The following EEF1E1 variants were observed in gnomAD, a reference collection of about 807,000 sequenced individuals.
The protein encoded by EEF1E1 is eukaryotic translation elongation factor 1 epsilon 1, also known as eukaryotic translation elongation factor 1 epsilon-1.
Under a neutral mutation model 19.9 loss-of-function variants are expected in EEF1E1, and 19 were observed. The observed-to-expected ratio is 0.95, with a 90% confidence interval of 0.66 to 1.40. EEF1E1 has a LOEUF of 1.40. EEF1E1 is among the 40% of genes most tolerant of loss of function. EEF1E1 has a pLI of 0.00. For synonymous variants in EEF1E1, 81 were observed against 80.0 expected (o/e 1.01, Z -0.07); for missense variants, 198 against 202.2 (o/e 0.98, Z 0.13).
intron 3 of EEF1E1, among the ~76,000 whole-genome samples, chr6:8,087,103 G>C (rs1411882269): frequency 1.3e-5 from 2 of 152,106 alleles, no homozygotes; most frequent in South Asian, 2.1e-4. Context: ...TGGGACCAGG[G>C]AACAAAAGAG....
chr6:8,085,043 A>G (rs1404317896), intron 3 of EEF1E1, among the ~76,000 whole-genome samples: 2 of 152,250 alleles, frequency 1.3e-5, no homozygotes, highest in Admixed American at 6.5e-5. Flanking sequence ...TTCAGCTCCA[A>G]TAAACTTTCT....
chr6:8,092,180 G>A (rs949622437), intron 2 of EEF1E1, among the ~76,000 whole-genome samples: 5 of 152,128 alleles, frequency 3.3e-5, no homozygotes, highest in African/African-American at 1.2e-4. Flanking sequence ...ATAACTTTGG[G>A]GGTTAGAATT....
At chr6:8,076,801 G>A (rs927931459), downstream of EEF1E1, among the ~76,000 whole-genome samples, 2 of 152,146 alleles carry the variant, frequency 1.3e-5, no homozygotes, top group African/African-American at 2.4e-5. Flanking sequence ...TATTTTGAAA[G>A]GAGGCTTTTT....
rs1757683257 is a variant in EEF1E1, at chr6:8,079,868, TTC to T, written c.*20_*21del. ...CCATTTAAAACATTTTTAATAGATC[TTC>T]TGTATGGCATGGACAGCTTCTAGTG... On this transcript the variant is annotated 3_prime_UTR_variant, in exon 4 of 4. Transcript: ENST00000379715. The T allele has an allele frequency of 6.2e-7, 1 of 1,602,278 alleles. No homozygotes were observed. The highest frequency in any genetic ancestry group is 1.3e-5 in the African/African-American group (1 of 74,630).
chr6:8,075,242 T>C (rs1561878425), downstream of EEF1E1, among the ~76,000 whole-genome samples: 1 of 152,200 alleles, frequency 6.6e-6, no homozygotes, highest in Non-Finnish European at 1.5e-5. Context: ...TTGAACCCTG[T>C]AGTCTCCGAA....
chr6:8,095,400 G>A, intron 2 of EEF1E1: 1 of 400,294 alleles, frequency 2.5e-6, no homozygotes, highest in Non-Finnish European at 5.1e-6. Flanking sequence ...TTACTCGGGA[G>A]GCTGAGGCAC....
intron 2 of EEF1E1, chr6:8,095,250 C>T: frequency 4.0e-6 from 1 of 251,054 alleles, no homozygotes; most frequent in Admixed American, 5.1e-5. Flanking sequence ...CCAGTAATCC[C>T]AGCACTTTGG....
In EEF1E1 at chr6:8,084,103, T is replaced by G. The variant is rs115876654; in HGVS notation, c.385-4073A>C. On this transcript the variant is annotated intron_variant, in intron 3 of 3. Coordinates refer to ENST00000379715, the MANE Select transcript of EEF1E1 (RefSeq NM_004280.5). Reference sequence around the variant, plus strand: ...GGATGGTCAACAGTGATTTACATATTAATCTATTCAATTTCACTTTGAAAA... The same window carrying G: ...GGATGGTCAACAGTGATTTACATATGAATCTATTCAATTTCACTTTGAAAA... 6.8e-4 allele frequency among the ~76,000 whole-genome samples: 103 copies of G among 152,328 alleles called. 1 individual carries two copies. Among genetic ancestry groups the G allele is most frequent in the Non-Finnish European group, 1.2e-3 (81 of 68,030 alleles).
In EEF1E1 at chr6:8,097,261, C is replaced by T. The variant is rs555608470; in HGVS notation, c.288+6G>A. 77 of 1,613,546 alleles carry T rather than the reference C, an allele frequency of 4.8e-5. 1 individual carries two copies. The South Asian group carries it at 7.1e-4, about 15-fold the overall frequency. On this transcript the variant is annotated splice_donor_region_variant and intron_variant, in intron 2 of 3. Coordinates refer to ENST00000379715, the MANE Select transcript of EEF1E1 (RefSeq NM_004280.5). ...GCATTTCAGCCTATAAGAGAAGTCA[C>T]GATACCTTCAACAGTGTGTGGATGT...
intron 3 of EEF1E1, 39 bp from the exon 4 acceptor site, chr6:8,080,069 G>T: frequency 6.2e-7 from 1 of 1,603,610 alleles, no homozygotes; most frequent in Non-Finnish European, 8.5e-7. Context: ...CAACACAGAT[G>T]TTACATAAGC....
chr6:8,097,115 T>G (rs558265770), intron 2 of EEF1E1, 152 bp downstream of exon 2: 1 of 736,892 alleles, frequency 1.4e-6, no homozygotes, highest in Non-Finnish European at 2.2e-6. Context: ...GGGAACAGAG[T>G]CTGTTCCAGG....
intron 2 of EEF1E1, among the ~76,000 whole-genome samples, chr6:8,095,676 T>A (rs188805914): frequency 2.5e-4 from 38 of 152,014 alleles, no homozygotes; most frequent in Admixed American, 2.1e-3. Context: ...TAAGCATTAA[T>A]AGTTCTCTCT....
chr6:8,097,214 A>T, intron 2 of EEF1E1, 53 bp downstream of exon 2: 1 of 1,551,190 alleles, frequency 6.4e-7, no homozygotes, highest in South Asian at 1.1e-5. Flanking sequence ...CAGGGGAAAG[A>T]GATTTCTGAT....
chr6:8,089,521 G>C (rs1757959288), intron 3 of EEF1E1, among the ~76,000 whole-genome samples: 1 of 152,130 alleles, frequency 6.6e-6, no homozygotes, highest in Non-Finnish European at 1.5e-5. Flanking sequence ...CGTAGGCTGG[G>C]AGGCTAAGCC....
intron 3 of EEF1E1, among the ~76,000 whole-genome samples, chr6:8,086,735 C>T (rs1156708188): frequency 1.3e-5 from 2 of 152,086 alleles, no homozygotes; most frequent in Non-Finnish European, 2.9e-5. Flanking sequence ...TGATGAGGTA[C>T]AGTGAGAAAG....
chr6:8,080,115 T>C, intron 3 of EEF1E1, 85 bp from the exon 4 acceptor site: 1 of 1,461,838 alleles, frequency 6.8e-7, no homozygotes, highest in Non-Finnish European at 9.4e-7. Flanking sequence ...GAGATAGAAG[T>C]TGAAAAACAA....
chr6:8,099,724 G>T (rs1758273180), intron 1 of EEF1E1, among the ~76,000 whole-genome samples: 1 of 141,620 alleles, frequency 7.1e-6, no homozygotes, highest in African/African-American at 2.7e-5. Context: ...TCCAGCCCGG[G>T]CAACAAGAGT....
intron 3 of EEF1E1, among the ~76,000 whole-genome samples, chr6:8,085,119 C>T (rs925085070): frequency 2.6e-5 from 4 of 152,106 alleles, no homozygotes; most frequent in Admixed American, 6.6e-5. Flanking sequence ...GAAATAGGAA[C>T]TATAAATAGG....
Position 8,102,527 on chromosome 6 carries a change from G to A in EEF1E1, c.-6C>T, listed in dbSNP as rs111907540. The A allele has an allele frequency of 3.7e-6, 6 of 1,609,582 alleles. No homozygotes were observed. The African/African-American group carries it at 5.3e-5, about 14-fold the overall frequency. ...AACTCTGCGGCCGCCGCCATCTTCC[G>A]GCCGTAGCTCCTGGCAGACGCGAGA... On this transcript the variant is annotated 5_prime_UTR_variant, in exon 1 of 4. Transcript: ENST00000379715.
Sources: allele counts gnomAD v4.1 joint callset (sites outside exome capture counted in the v4.1 genomes callset), GRCh38; gene constraint gnomAD v4.1.1; transcripts MANE v1.5; gene names NCBI Gene and HGNC (gene_info 2026-07-23, HGNC 2026-07-21).